Variants in PTPRD observed in about 807,000 individuals in gnomAD.
PTPRD encodes the protein protein tyrosine phosphatase receptor type D.
A neutral mutation model predicts 214.5 loss-of-function variants in PTPRD; 34 were observed. That is an observed-to-expected ratio of 0.16 (90% CI 0.12 to 0.21). The LOEUF (loss-of-function observed/expected upper bound fraction) is 0.21, where lower values mean the gene tolerates loss of function less well. PTPRD is among the 10% of genes least tolerant of loss of function. The pLI is 1.00. For missense variants in PTPRD, 2,545 were observed against 2,398.7 expected (o/e 1.06, Z -1.27); for synonymous variants, 1,128 against 845.7 (o/e 1.33, Z -5.79).
At chr9:10,018,765 G>A (rs1259263309) in intron 4 of PTPRD, among the ~76,000 whole-genome samples, 1 of 151,146 alleles carries the variant, frequency 6.6e-6, no homozygotes, top group Admixed American at 6.6e-5. Context: ...TAGCCGGGAT[G>A]GTCTCGATCT....
chr9:10,597,070 C>CATAT lies in PTPRD; in HGVS notation c.-600+15324_-600+15327dup, dbSNP rs35587420. On this transcript the variant is annotated intron_variant, in intron 2 of 45. Transcript: ENST00000381196. ...AGGTTATAGTCTTGGATTTATTTTC[C>CATAT]ATATATATATATATTTCACATATAT... Among the ~76,000 whole-genome samples, 18 of 149,496 alleles carry CATAT rather than the reference C, an allele frequency of 1.2e-4. No individual in the cohort carries two copies. In the East Asian group the frequency reaches 1.6e-3, roughly 13 times the overall value.
intron 39 of PTPRD, among the ~76,000 whole-genome samples, chr9:8,367,993 G>T (rs1006004508): frequency 1.3e-5 from 2 of 152,158 alleles, no homozygotes; most frequent in African/African-American, 4.8e-5. Flanking sequence ...AAATAGTACA[G>T]CTAAGATTTG....
At chr9:10,057,702 G>T (rs73390271) in intron 3 of PTPRD, among the ~76,000 whole-genome samples, 2,587 of 152,038 alleles carry the variant, frequency 0.017, 74 homozygotes, top group East Asian at 0.1. Flanking sequence ...AAATTAGCTG[G>T]GCGTGGTGCA....
chr9:10,072,112 T>C (rs182864250), intron 3 of PTPRD, among the ~76,000 whole-genome samples: 2 of 151,934 alleles, frequency 1.3e-5, no homozygotes, highest in Admixed American at 6.6e-5. Flanking sequence ...TATCTAATAA[T>C]ATACTTGTAT....
chr9:8,517,086 G>A lies in PTPRD; in HGVS notation c.1543+762C>T, dbSNP rs1012723873. Among the ~76,000 whole-genome samples, 20 of 152,102 alleles carry A rather than the reference G, an allele frequency of 1.3e-4. No homozygotes were observed. The East Asian group carries it at 1.3e-3, about 10-fold the overall frequency. ...TCCCAAAAGTGTTGGGATTACAGGC[G>A]TGAGCCACTGTGCGTGGCTCAAGAA... On this transcript the variant is annotated intron_variant, in intron 21 of 45. Coordinates refer to ENST00000381196, the MANE Select transcript of PTPRD (RefSeq NM_002839.4).
At chr9:10,507,068 C>T (rs2046235042) in intron 2 of PTPRD, among the ~76,000 whole-genome samples, 1 of 152,120 alleles carries the variant, frequency 6.6e-6, no homozygotes, top group East Asian at 1.9e-4. Context: ...ATCCCAAAAT[C>T]TCCTTAAGTT....
chr9:9,446,979 C>T (rs916882552), intron 8 of PTPRD, among the ~76,000 whole-genome samples: 8 of 152,096 alleles, frequency 5.3e-5, no homozygotes, highest in African/African-American at 1.9e-4. Context: ...CATCTCACAC[C>T]AGTCAGAATG....
chr9:8,832,974 C>T (rs1466781588), intron 11 of PTPRD, among the ~76,000 whole-genome samples: 1 of 151,998 alleles, frequency 6.6e-6, no homozygotes, highest in Non-Finnish European at 1.5e-5. Flanking sequence ...AAAGCTGTAA[C>T]ATGAAAGACA....
intron 3 of PTPRD, among the ~76,000 whole-genome samples, chr9:10,297,288 T>G (rs1026012563): frequency 2.0e-5 from 3 of 151,902 alleles, no homozygotes; most frequent in African/African-American, 7.2e-5. Context: ...ATTATTTTTT[T>G]AAGTATTTGA....
intron 2 of PTPRD, among the ~76,000 whole-genome samples, chr9:10,554,602 C>G (rs995013120): frequency 2.6e-5 from 4 of 152,012 alleles, no homozygotes; most frequent in Non-Finnish European, 5.9e-5. Flanking sequence ...TTGCTATTAA[C>G]ATTTTTATAC....
chr9:8,772,739 T>G (rs1273087792), intron 11 of PTPRD, among the ~76,000 whole-genome samples: 1 of 150,986 alleles, frequency 6.6e-6, no homozygotes, highest in African/African-American at 2.5e-5. Flanking sequence ...TTTCAATAGG[T>G]TGATTTTTTT....
intron 10 of PTPRD, among the ~76,000 whole-genome samples, chr9:9,076,203 T>A (rs533245524): frequency 6.6e-6 from 1 of 152,092 alleles, no homozygotes; most frequent in Non-Finnish European, 1.5e-5. Flanking sequence ...GCTGCATAAA[T>A]GTCTTCGAGA....
chr9:8,672,221 C>T (rs1014003126), intron 12 of PTPRD, among the ~76,000 whole-genome samples: 4 of 152,128 alleles, frequency 2.6e-5, no homozygotes, highest in Non-Finnish European at 4.4e-5. Flanking sequence ...TCCATTTCTT[C>T]GCTGAGACGT....
At chr9:10,060,737 C>T (rs2097747375) in intron 3 of PTPRD, among the ~76,000 whole-genome samples, 1 of 151,846 alleles carries the variant, frequency 6.6e-6, no homozygotes, top group Admixed American at 6.6e-5. Flanking sequence ...AGTTCAGTTT[C>T]TATTTTCCCA....
Position 9,958,534 on chromosome 9 carries a change from AAAC to A in PTPRD, c.-471-19927_-471-19925del, listed in dbSNP as rs200054685. On this transcript the variant is annotated intron_variant, in intron 4 of 45. Coordinates refer to ENST00000381196, the MANE Select transcript of PTPRD (RefSeq NM_002839.4). ...TGACAAGAGCAAAACTCCATCTCAA[AAAC>A]AACAACAACAGCAACAAAACAAACA... is the stretch of plus-strand genomic sequence containing the variant. Among the ~76,000 whole-genome samples, 331 of 152,302 alleles carry A rather than the reference AAAC, an allele frequency of 2.2e-3. 3 individuals are homozygous for A. Among genetic ancestry groups the A allele is most frequent in the Admixed American group, 0.015 (233 of 15,290 alleles).
At chr9:8,698,489 T>G (rs1293564433) in intron 12 of PTPRD, among the ~76,000 whole-genome samples, 1 of 152,218 alleles carries the variant, frequency 6.6e-6, no homozygotes, top group Non-Finnish European at 1.5e-5. Context: ...GTACATTTAT[T>G]AACAAATAGC....
chr9:8,859,318 C>A (rs143629726), intron 11 of PTPRD, among the ~76,000 whole-genome samples: 1 of 152,204 alleles, frequency 6.6e-6, no homozygotes, highest in African/African-American at 2.4e-5. Context: ...ATCCACACAA[C>A]CCAAGGTGAC....
chr9:9,743,706 T>G (rs1165765768), intron 6 of PTPRD, among the ~76,000 whole-genome samples: 2 of 144,124 alleles, frequency 1.4e-5, no homozygotes, highest in Admixed American at 7.2e-5. Flanking sequence ...CAAATCTTAC[T>G]TCTTCATAGC....
intron 11 of PTPRD, among the ~76,000 whole-genome samples, chr9:8,908,213 T>A (rs2098721907): frequency 1.3e-5 from 2 of 152,058 alleles, no homozygotes; most frequent in Admixed American, 1.3e-4. Context: ...CTTTCAAAAA[T>A]GAAAGCAAAA....
Sources: allele counts gnomAD v4.1 joint callset (sites outside exome capture counted in the v4.1 genomes callset), GRCh38; gene constraint gnomAD v4.1.1; transcripts MANE v1.5; gene names NCBI Gene and HGNC (gene_info 2026-07-23, HGNC 2026-07-21).